ITIH2: variants seen among roughly 807,000 people sequenced by gnomAD.
ITIH2 encodes the protein inter-alpha-trypsin inhibitor heavy chain H2.
ITIH2 carries 103 observed loss-of-function variants against 104.4 expected under a neutral mutation model. That is an observed-to-expected ratio of 0.99 (90% CI 0.84 to 1.16). The LOEUF (loss-of-function observed/expected upper bound fraction) is 1.16. Ranked by LOEUF, ITIH2 falls within the 50% of genes most tolerant of loss-of-function variation. The probability of loss-of-function intolerance (pLI) is 0.00; values close to 1 mark genes in which losing one functional copy is unlikely to be tolerated. For synonymous variants in ITIH2, 436 were observed against 435.4 expected, an observed-to-expected ratio of 1.00 and a Z score of -0.02; for missense variants, 1,108 against 1,162.4, an observed-to-expected ratio of 0.95 and a Z score of 0.68.
intron 9 of ITIH2, among the ~76,000 whole-genome samples, chr10:7,725,730 A>C (rs547967589): frequency 6.6e-6 from 1 of 152,338 alleles, no homozygotes; most frequent in South Asian, 2.1e-4. Flanking sequence ...CACGTTGGCC[A>C]TGGAAGCGTG....
chr10:7,723,424 G>T, intron 8 of ITIH2, 27 bp from the exon 9 acceptor site: 1 of 1,385,160 alleles, frequency 7.2e-7, no homozygotes, highest in South Asian at 1.2e-5. Context: ...ATCATGATTT[G>T]ACTCACAAAT....
intron 8 of ITIH2, 103 bp from the exon 9 acceptor site, chr10:7,723,348 T>C (rs1834924223): frequency 3.9e-6 from 3 of 765,796 alleles, no homozygotes; most frequent in Non-Finnish European, 7.0e-6. Context: ...CTCCGCCTCC[T>C]CCTCCCTGTA....
chr10:7,732,499 C>T, intron 14 of ITIH2, 22 bp downstream of exon 14: 1 of 1,600,828 alleles, frequency 6.2e-7, no homozygotes, highest in Non-Finnish European at 8.6e-7. Context: ...AGAGTACCCA[C>T]ACCACGAGAT....
At chr10:7,737,719 ATATAATATTC>A (rs1835077431) in intron 15 of ITIH2, among the ~76,000 whole-genome samples, 3 of 46,618 alleles carry the variant, frequency 6.4e-5, no homozygotes, top group African/African-American at 2.3e-4. Context: ...ATTATATTCT[ATATAATATTC>A]TATATTATAT....
intron 6 of ITIH2, among the ~76,000 whole-genome samples, chr10:7,720,350 A>G (rs1485006210): frequency 6.6e-6 from 1 of 152,228 alleles, no homozygotes; most frequent in African/African-American, 2.4e-5. Flanking sequence ...AAATTTAAAA[A>G]AGAAAAAAAT....
Position 7,718,475 on chromosome 10 carries a change from C to T in ITIH2, c.630+687C>T, listed in dbSNP as rs1001475704. Among the ~76,000 whole-genome samples, 58 of 152,290 alleles carry T rather than the reference C, an allele frequency of 3.8e-4. 3 individuals are homozygous for T. The highest frequency in any genetic ancestry group is 2.9e-3 in the East Asian group (15 of 5,190). On this transcript the variant is annotated intron_variant, in intron 6 of 20. Coordinates refer to ENST00000358415, the MANE Select transcript of ITIH2 (RefSeq NM_002216.3). ...TCAAGGACCAGCTATCCTGAGTCTT[C>T]GCTGTCTCATCTATGAAAAGAGTAC...
At chr10:7,711,339 A>C (rs1245974357) in intron 4 of ITIH2, among the ~76,000 whole-genome samples, 1 of 152,172 alleles carries the variant, frequency 6.6e-6, no homozygotes, top group Non-Finnish European at 1.5e-5. Flanking sequence ...CATTACATAG[A>C]AGATTTGAAG....
chr10:7,734,868 C>A lies in ITIH2; in HGVS notation c.1788-54C>A, dbSNP rs1926937. The stretch of plus-strand genomic sequence containing the variant: ...GGTGCAGGGTCAGGGAGCTGACTTG[C>A]GCTCCCCCTCCAATGCAGCCATGCT... On this transcript the variant is annotated intron_variant, in intron 14 of 20. Transcript: ENST00000358415. 1.1e-5 allele frequency: 17 copies of A among 1,500,676 alleles called. No individual in the cohort carries two copies. The South Asian group carries it at 2.0e-4, about 17-fold the overall frequency. 93.0% of individuals were successfully genotyped at this position (1,500,676 alleles called of 1,614,324 possible).
intron 16 of ITIH2, among the ~76,000 whole-genome samples, chr10:7,741,214 T>G (rs1835121109): frequency 6.6e-6 from 1 of 151,290 alleles, no homozygotes; most frequent in African/African-American, 2.4e-5. Context: ...GTTTCACTCT[T>G]TTTGCCTAGG....
Position 7,735,052 on chromosome 10 carries a change from C to G in ITIH2, c.1918C>G (p.Leu640Val), listed in dbSNP as rs776115258. The stretch of plus-strand genomic sequence containing the variant: ...GAACGAGGCTGGGGATGAGCGCATG[C>G]TGGCGGATGCCCCACCGCAGGATCC... Reference protein sequence around the residue: ...IENEAGDERMLADAPPQDPSC... With the variant: ...IENEAGDERMVADAPPQDPSC... Residue 640 changes from leucine to valine, a missense_variant, in exon 15 of 21, where the codon CTG becomes GTG. Leu to Val is a conservative substitution (Grantham distance 32). Transcript: ENST00000358415. 3.7e-6 allele frequency: 6 copies of G among 1,612,270 alleles called. No individual in the cohort carries two copies. In the Admixed American group the frequency reaches 1.0e-4, roughly 27 times the overall value.
Position 7,746,744 on chromosome 10 carries a change from T to A in ITIH2, c.2693+40T>A. 2.3e-6 allele frequency: 3 copies of A among 1,298,624 alleles called. No homozygotes were observed. In the East Asian group the frequency reaches 7.0e-5, roughly 30 times the overall value. 80.4% of individuals were successfully genotyped at this position (1,298,624 alleles called of 1,614,324 possible). ...TAAGGACAGTGACGAAAAGGCCTTG[T>A]GTTAGAATTAGACCCACACAGCAAA... On this transcript the variant is annotated intron_variant, in intron 20 of 20. Transcript: ENST00000358415.
At chr10:7,703,926 T>A (rs929525206) in intron 1 of ITIH2, among the ~76,000 whole-genome samples, 13 of 152,236 alleles carry the variant, frequency 8.5e-5, no homozygotes, top group African/African-American at 3.1e-4. Flanking sequence ...AGAAATATTA[T>A]CACTCTTTTA....
At chr10:7,730,542 T>G (rs1425369960) in intron 12 of ITIH2, among the ~76,000 whole-genome samples, 1 of 152,188 alleles carries the variant, frequency 6.6e-6, no homozygotes, top group Non-Finnish European at 1.5e-5. Flanking sequence ...AGATACAGGC[T>G]GAGTGTGGTG....
chr10:7,720,754 G>T, intron 6 of ITIH2, 102 bp from the exon 7 acceptor site: 1 of 695,160 alleles, frequency 1.4e-6, no homozygotes, highest in Non-Finnish European at 2.6e-6. Context: ...GGAAACCTGC[G>T]GAGGAGAAAA....
intron 11 of ITIH2, among the ~76,000 whole-genome samples, chr10:7,728,044 C>T (rs575101439): frequency 6.6e-6 from 1 of 152,308 alleles, no homozygotes; most frequent in Admixed American, 6.5e-5. Flanking sequence ...TGCCTCAGTT[C>T]CACCTCCACA....
chr10:7,713,119 C>T lies in ITIH2; in HGVS notation c.363-62C>T, dbSNP rs1455434332. 5.3e-6 allele frequency: 7 copies of T among 1,326,112 alleles called. No homozygotes were observed. In the East Asian group the frequency reaches 7.0e-5, roughly 13 times the overall value. The allele number at this position is 1,326,112 out of a possible 1,614,324, so 82.1% of individuals were successfully genotyped here. On this transcript the variant is annotated intron_variant, in intron 4 of 20. Coordinates refer to ENST00000358415, the MANE Select transcript of ITIH2 (RefSeq NM_002216.3). ...TGGGTGACAGAGCAAGACTCCATCT[C>T]GAGGGGAAAAAAAAAAAAGATTACT... is the stretch of plus-strand genomic sequence containing the variant.
At chr10:7,721,481 C>T (rs1834902061) in intron 7 of ITIH2, among the ~76,000 whole-genome samples, 168 bp from the exon 8 acceptor site, 2 of 152,216 alleles carry the variant, frequency 1.3e-5, no homozygotes, top group Admixed American at 1.3e-4. Context: ...GAGATGCTCC[C>T]TGCAAAAGCC....
chr10:7,703,955 T>A (rs943138225), intron 1 of ITIH2, among the ~76,000 whole-genome samples: 1 of 152,208 alleles, frequency 6.6e-6, no homozygotes, highest in Admixed American at 6.5e-5. Context: ...ATAAGAAAAG[T>A]CATTATCAAA....
intron 1 of ITIH2, among the ~76,000 whole-genome samples, chr10:7,704,706 C>A (rs1834728440): frequency 6.6e-6 from 1 of 152,118 alleles, no homozygotes; most frequent in African/African-American, 2.4e-5. Flanking sequence ...TCATTTTATA[C>A]AAAATTGTGA....
Sources: allele counts gnomAD v4.1 joint callset (sites outside exome capture counted in the v4.1 genomes callset), GRCh38; gene constraint gnomAD v4.1.1; transcripts MANE v1.5; gene names NCBI Gene and HGNC (gene_info 2026-07-23, HGNC 2026-07-21).